SCN9A: variants seen among roughly 807,000 people sequenced by gnomAD.
SCN9A encodes sodium channel protein type 9 subunit alpha.
In SCN9A, 131 loss-of-function variants were observed where a neutral mutation model predicts 187.0. The observed-to-expected ratio is 0.70, with a 90% CI of 0.61 to 0.81. The LOEUF (loss-of-function observed/expected upper bound fraction) is 0.81, where lower values mean the gene tolerates loss of function less well. SCN9A is among the 30% of genes least tolerant of loss of function. The probability of loss-of-function intolerance (pLI) is 0.00; values close to 1 mark genes in which losing one functional copy is unlikely to be tolerated. For synonymous variants in SCN9A, 809 were observed against 808.6 expected (o/e 1.00, Z -0.01); for missense variants, 2,252 against 2,396.6 (o/e 0.94, Z 1.26).
At chr2:166,374,002 T>G (rs1350022208) in intron 1 of SCN9A, among the ~76,000 whole-genome samples, 2 of 152,170 alleles carry the variant, frequency 1.3e-5, no homozygotes, top group Non-Finnish European at 2.9e-5. Flanking sequence ...TATTTATTTG[T>G]TTATCTATTT....
intron 7 of SCN9A, among the ~76,000 whole-genome samples, chr2:166,300,299 C>T (rs1325774568): frequency 6.6e-6 from 1 of 150,718 alleles, no homozygotes; most frequent in Admixed American, 6.6e-5. Flanking sequence ...AAACCCATAC[C>T]CTCCCTTTAT....
intron 17 of SCN9A, among the ~76,000 whole-genome samples, chr2:166,271,386 C>G (rs1010525918): frequency 6.6e-6 from 1 of 151,948 alleles, no homozygotes; most frequent in South Asian, 2.1e-4. Context: ...AAGGGTGATG[C>G]CTTGAAGGAT....
intron 17 of SCN9A, among the ~76,000 whole-genome samples, chr2:166,252,780 C>T (rs1049391715): frequency 1.1e-4 from 16 of 151,890 alleles, no homozygotes; most frequent in Admixed American, 6.6e-5. Flanking sequence ...TACACACACA[C>T]ACACGAAGAA....
intron 24 of SCN9A, among the ~76,000 whole-genome samples, chr2:166,209,496 A>AC (rs914327985): frequency 7.2e-5 from 11 of 152,160 alleles, no homozygotes; most frequent in African/African-American, 2.4e-4. Flanking sequence ...ACACACACAC[A>AC]AAAAGTCAAA....
At position 166,242,676 on chromosome 2, in the gene SCN9A, T is replaced by C. The variant is rs1203053199; in HGVS notation, c.3473-20A>G. On this transcript the variant is annotated intron_variant, in intron 18 of 26. Transcript: ENST00000642356. Reference sequence around the variant, plus strand: ...CACAACCTGACAAGAAAGACATGCATGTTAAATCTTGATATTCAGAATAAA... The same window carrying C: ...CACAACCTGACAAGAAAGACATGCACGTTAAATCTTGATATTCAGAATAAA... 2 of 1,524,662 alleles carry C rather than the reference T, an allele frequency of 1.3e-6. No homozygotes were observed. The highest frequency in any genetic ancestry group is 1.8e-6 in the Non-Finnish European group (2 of 1,129,316). The allele number at this position is 1,524,662 out of a possible 1,614,324, so 94.4% of individuals were successfully genotyped here.
At chr2:166,259,157 G>C (rs191707579) in intron 17 of SCN9A, 1 of 151,782 alleles carries the variant, frequency 6.6e-6, no homozygotes, top group Non-Finnish European at 1.5e-5. Flanking sequence ...TAGCTGAACA[G>C]CATGCAAGAC....
intron 18 of SCN9A, among the ~76,000 whole-genome samples, chr2:166,245,861 A>G (rs922667532): frequency 4.6e-5 from 7 of 152,066 alleles, no homozygotes; most frequent in Admixed American, 6.6e-5. Context: ...GTTCTAAAAC[A>G]ACAAAACTAG....
At chr2:166,264,214 A>G (rs1398372442) in intron 17 of SCN9A, among the ~76,000 whole-genome samples, 2 of 151,924 alleles carry the variant, frequency 1.3e-5, no homozygotes, top group African/African-American at 4.8e-5. Context: ...ATAAATATTT[A>G]TTGACAAATG....
rs1247890231 is a variant in SCN9A at position 166,305,908 on chromosome 2, A to G, written c.480T>C (p.Thr160=). The change falls in exon 5 of 27, where the codon ACT becomes ACC. Residue 160 remains threonine, a synonymous_variant. Transcript: ENST00000642356. ...CAAGTGATTCAAAAGTATATATTCCAGTAAAAGTGTACCTAAACACAAGAT... is the reference window on the plus strand; with the variant it reads ...CAAGTGATTCAAAAGTATATATTCCGGTAAAAGTGTACCTAAACACAAGAT... ...DWTKNVEYTF[T]GIYTFESLVK... is the part of the protein sequence containing the mutation. The G allele has an allele frequency of 6.2e-7, 1 of 1,612,920 alleles. No individual in the cohort carries two copies. The highest frequency in any genetic ancestry group is 1.3e-5 in the African/African-American group (1 of 74,772).
Position 166,328,357 on chromosome 2 carries a change from G to C in SCN9A, c.-50-16551C>G, listed in dbSNP as rs909892515. On this transcript the variant is annotated intron_variant, in intron 1 of 26. Transcript: ENST00000642356. ...GTTTTACAGCTTATTTCATCACCCA[G>C]GTATTAGACCTAGTACTCATTGGTT... Among the ~76,000 whole-genome samples the C allele has an allele frequency of 5.3e-5, 8 of 151,878 alleles. 1 individual carries two copies. The highest frequency in any genetic ancestry group is 5.2e-4 in the Admixed American group (8 of 15,248).
At chr2:166,357,184 G>GCT in intron 1 of SCN9A, among the ~76,000 whole-genome samples, 1 of 152,236 alleles carries the variant, frequency 6.6e-6, no homozygotes, top group East Asian at 1.9e-4. Context: ...TCATCATTTA[G>GCT]CTCTCACTTA....
intron 16 of SCN9A, 24 bp from the exon 17 acceptor site, chr2:166,272,899 G>A: frequency 8.9e-7 from 1 of 1,120,690 alleles, no homozygotes; most frequent in Non-Finnish European, 1.2e-6. Context: ...GGGAGAGGGG[G>A]TAGAGAAATA....
rs184797584 is a variant in SCN9A, at chr2:166,267,954, A to G, written c.3351+4445T>C. ...AACAATTCAAAGGATATGATCCAGA[A>G]CAGGCATTTGTAATAAAGTCCCCAA... On this transcript the variant is annotated intron_variant, in intron 17 of 26. Coordinates refer to ENST00000642356, the MANE Select transcript of SCN9A (RefSeq NM_001365536.1). Among the ~76,000 whole-genome samples, 5 of 152,116 alleles carry G rather than the reference A, an allele frequency of 3.3e-5. No individual in the cohort carries two copies. In the East Asian group the frequency reaches 9.7e-4, roughly 30 times the overall value.
intron 14 of SCN9A, among the ~76,000 whole-genome samples, chr2:166,278,737 T>C (rs888797549): frequency 1.3e-5 from 2 of 151,992 alleles, no homozygotes; most frequent in African/African-American, 2.4e-5. Flanking sequence ...ACTGTTAGAG[T>C]AATAAAGAAC....
chr2:166,295,982 A>G (rs1386687715), intron 7 of SCN9A: 1 of 152,250 alleles, frequency 6.6e-6, no homozygotes, highest in African/African-American at 2.4e-5. Context: ...TCTCTTAAAT[A>G]TCTATTCTAC....
chr2:166,299,163 A>G (rs968814705), intron 7 of SCN9A, among the ~76,000 whole-genome samples: 1 of 151,058 alleles, frequency 6.6e-6, no homozygotes, highest in African/African-American at 2.5e-5. Context: ...ATATATAACT[A>G]CTCATTCATT....
At chr2:166,206,415 C>T (rs1305489521) in intron 24 of SCN9A, among the ~76,000 whole-genome samples, 5 of 152,024 alleles carry the variant, frequency 3.3e-5, no homozygotes, top group Non-Finnish European at 5.9e-5. Flanking sequence ...ATCACAAGGA[C>T]GGAAAACCAA....
At chr2:166,354,551 T>C (rs1006506929) in intron 1 of SCN9A, among the ~76,000 whole-genome samples, 20 of 152,186 alleles carry the variant, frequency 1.3e-4, no homozygotes, top group African/African-American at 4.8e-4. Flanking sequence ...CTTAAGCACC[T>C]TAAAATTGTA....
At chr2:166,200,815 T>C (rs867388664) in intron 26 of SCN9A, among the ~76,000 whole-genome samples, 1 of 152,110 alleles carries the variant, frequency 6.6e-6, no homozygotes, top group South Asian at 2.1e-4. Flanking sequence ...TTTGTGTTTT[T>C]GGTAGGGACG....
Sources: allele counts gnomAD v4.1 joint callset (sites outside exome capture counted in the v4.1 genomes callset), GRCh38; gene constraint gnomAD v4.1.1; transcripts MANE v1.5; gene names NCBI Gene and HGNC (gene_info 2026-07-23, HGNC 2026-07-21).